The following COLQ variants were observed in gnomAD, a reference collection of about 807,000 sequenced individuals.
The protein encoded by COLQ is acetylcholinesterase collagenic tail peptide.
In COLQ, 48 loss-of-function variants were observed where a neutral mutation model predicts 69.0. The ratio of observed to expected loss-of-function variants is 0.70; its 90% CI spans 0.55 to 0.88. COLQ has a LOEUF of 0.88. Among genes scored for constraint, COLQ ranks in the 40% least tolerant of loss-of-function variants. COLQ has a pLI of 0.00. For missense variants in COLQ, 618 were observed against 594.6 expected (o/e 1.04, Z -0.41); for synonymous variants, 217 against 211.2 (o/e 1.03, Z -0.24).
intron 1 of COLQ, among the ~76,000 whole-genome samples, chr3:15,504,420 G>T (rs778790084): frequency 6.6e-6 from 1 of 152,178 alleles, no homozygotes. Flanking sequence ...TCCTCACATG[G>T]CCTCTCTTCG....
chr3:15,486,196 C>T (rs561609980), intron 3 of COLQ, among the ~76,000 whole-genome samples: 2 of 152,326 alleles, frequency 1.3e-5, no homozygotes, highest in Non-Finnish European at 2.9e-5. Flanking sequence ...AGAACTATTT[C>T]ACAAGGTCAT....
intron 12 of COLQ, among the ~76,000 whole-genome samples, chr3:15,459,791 T>TTTATTA (rs3067773): frequency 0.024 from 3,672 of 150,064 alleles, 119 homozygotes; most frequent in African/African-American, 0.08. Context: ...GCACCCATAT[T>TTTATTA]TTATTATTAT....
chr3:15,495,870 C>T (rs2062738707), intron 1 of COLQ, among the ~76,000 whole-genome samples: 1 of 152,016 alleles, frequency 6.6e-6, no homozygotes, highest in Non-Finnish European at 1.5e-5. Flanking sequence ...CACACCAATC[C>T]CGGAACGTTT....
intron 2 of COLQ, among the ~76,000 whole-genome samples, 169 bp downstream of exon 2, chr3:15,489,356 T>C (rs1196778394): frequency 1.3e-5 from 2 of 152,206 alleles, no homozygotes; most frequent in Admixed American, 6.5e-5. Flanking sequence ...CCCCAGGAAC[T>C]GCAAAATGTC....
At chr3:15,455,730 T>A (rs560021626) in intron 15 of COLQ, among the ~76,000 whole-genome samples, 169 bp downstream of exon 15, 8 of 152,254 alleles carry the variant, frequency 5.3e-5, no homozygotes, top group African/African-American at 1.7e-4. Context: ...ATATTTGGGC[T>A]GAAACTGGGG....
At chr3:15,460,289 G>T (rs2062092761) in intron 12 of COLQ, among the ~76,000 whole-genome samples, 1 of 152,170 alleles carries the variant, frequency 6.6e-6, no homozygotes, top group African/African-American at 2.4e-5. Flanking sequence ...TAATTGGAGA[G>T]AAAAAGTCTT....
At chr3:15,493,870 G>C (rs2062707188) in intron 1 of COLQ, among the ~76,000 whole-genome samples, 2 of 152,198 alleles carry the variant, frequency 1.3e-5, no homozygotes, top group South Asian at 2.1e-4. Flanking sequence ...GATCACTTGA[G>C]GTCAGGAGTT....
rs200403785 is a variant in COLQ at position 15,458,284 on chromosome 3, C to T, written c.856G>A (p.Gly286Arg). 1.4e-5 allele frequency: 22 copies of T among 1,614,082 alleles called. No homozygotes were observed. The highest frequency in any genetic ancestry group is 7.7e-5 in the South Asian group (7 of 91,078). ...MGPKGERGFP[G>R]PPGRCLCGPT... Reference sequence around the variant, plus strand: ...CCACAAAGACATCTTCCTGGAGGCCCGGGAAATCCTCTTTCCCCTTTGGGT... The same window carrying T: ...CCACAAAGACATCTTCCTGGAGGCCTGGGAAATCCTCTTTCCCCTTTGGGT... Residue 286 changes from glycine (G) to arginine (R), a missense_variant, in exon 13 of 17, where the codon GGG (glycine) becomes AGG (arginine). Gly to Arg is a moderately radical substitution (Grantham distance 125, BLOSUM62 -2). Coordinates refer to ENST00000383788, the MANE Select transcript of COLQ (RefSeq NM_005677.4).
At chr3:15,520,103 C>T (rs2063116561) in intron 1 of COLQ, among the ~76,000 whole-genome samples, 2 of 152,194 alleles carry the variant, frequency 1.3e-5, no homozygotes, top group Admixed American at 6.5e-5. Flanking sequence ...CAAAGGAATC[C>T]ATGACCCAAA....
Position 15,477,045 on chromosome 3 carries a change from T to C in COLQ, c.465+81A>G, listed in dbSNP as rs1441184283. On this transcript the variant is annotated intron_variant, in intron 6 of 16. Transcript: ENST00000383788. ...TCTTGAAGAAGGGATTCCCTGACTA[T>C]GTGCCAGGAGCCAGGAAAGCTGCCA... 10 of 1,309,344 alleles carry C rather than the reference T, an allele frequency of 7.6e-6. 1 individual carries two copies. The Admixed American group carries it at 1.4e-4, about 18-fold the overall frequency. 81.1% of individuals were successfully genotyped at this position (1,309,344 alleles called of 1,614,324 possible).
At chr3:15,462,623 G>A (rs960178975) in intron 12 of COLQ, among the ~76,000 whole-genome samples, 4 of 152,176 alleles carry the variant, frequency 2.6e-5, no homozygotes, top group Non-Finnish European at 4.4e-5. Flanking sequence ...AGGTGCCACT[G>A]GGGATGTGAA....
intron 1 of COLQ, among the ~76,000 whole-genome samples, chr3:15,509,193 C>A (rs1032967979): frequency 6.6e-6 from 1 of 152,186 alleles, no homozygotes; most frequent in African/African-American, 2.4e-5. Flanking sequence ...CATATTTAAT[C>A]ATTTTCCTCT....
intron 2 of COLQ, among the ~76,000 whole-genome samples, chr3:15,488,930 C>T (rs2062620550): frequency 6.6e-6 from 1 of 152,292 alleles, no homozygotes; most frequent in Middle Eastern, 3.4e-3. Context: ...CTGAATTGGA[C>T]AGCTCAGGAG....
rs767492114 is a variant in COLQ, at chr3:15,458,362, G to A, written c.815-37C>T. ...CAGACTGCTGTGTTACTAGAGCCAA[G>A]GAAGAGAAGACCAAACAACCAGGGA... On this transcript the variant is annotated intron_variant, in intron 12 of 16. Transcript: ENST00000383788. 3 of 1,613,568 alleles carry A rather than the reference G, an allele frequency of 1.9e-6. No homozygotes were observed. The South Asian group carries it at 3.3e-5, about 18-fold the overall frequency.
At chr3:15,518,225 C>T (rs750185906) in intron 1 of COLQ, among the ~76,000 whole-genome samples, 2 of 152,274 alleles carry the variant, frequency 1.3e-5, no homozygotes, top group Admixed American at 6.5e-5. Flanking sequence ...GGATTACAGG[C>T]GTGAGCCACC....
chr3:15,490,947 T>C (rs1376047563), intron 1 of COLQ, among the ~76,000 whole-genome samples: 1 of 152,202 alleles, frequency 6.6e-6, no homozygotes, highest in East Asian at 1.9e-4. Flanking sequence ...TTTCAGGTTC[T>C]GACTCCAAGC....
intron 1 of COLQ, chr3:15,499,005 TAAGCCTCAAAG>T: frequency 9.1e-7 from 1 of 1,099,516 alleles, no homozygotes; most frequent in Non-Finnish European, 1.1e-6. Flanking sequence ...ACTGCTCTGG[TAAGCCTCAAAG>T]TCAACCCCCC....
rs146447503 is a variant in COLQ, at chr3:15,516,752, G to A, written c.106+4768C>T. Among the ~76,000 whole-genome samples the A allele has an allele frequency of 3.9e-3, 597 of 152,286 alleles. 6 individuals are homozygous for A. Among genetic ancestry groups the A allele is most frequent in the South Asian group, 9.9e-3 (48 of 4,828 alleles). ...GAACCATCAAAGCAGAGATAAATCAGTACCCTGGCAAGTCATGCACACTTT... is the reference window on the plus strand; with the variant it reads ...GAACCATCAAAGCAGAGATAAATCAATACCCTGGCAAGTCATGCACACTTT... On this transcript the variant is annotated intron_variant, in intron 1 of 16. Transcript: ENST00000383788.
intron 1 of COLQ, among the ~76,000 whole-genome samples, chr3:15,510,828 A>G: frequency 1.5e-5 from 2 of 137,380 alleles, no homozygotes; most frequent in Admixed American, 7.4e-5. Context: ...GGAAGGGAGG[A>G]AGGGAGGAAG....
Sources: allele counts gnomAD v4.1 joint callset (sites outside exome capture counted in the v4.1 genomes callset), GRCh38; gene constraint gnomAD v4.1.1; transcripts MANE v1.5; gene names NCBI Gene and HGNC (gene_info 2026-07-23, HGNC 2026-07-21).